The following CACNA2D3 variants were observed in gnomAD, a reference collection of about 807,000 sequenced individuals.
CACNA2D3 encodes calcium voltage-gated channel auxiliary subunit alpha2delta 3, also known as voltage-dependent calcium channel subunit alpha-2/delta-3.
Under a neutral mutation model 160.6 loss-of-function variants are expected in CACNA2D3, and 60 were observed. That is an observed-to-expected ratio of 0.37 (90% confidence interval 0.30 to 0.46). The LOEUF is 0.46. Among genes scored for constraint, CACNA2D3 ranks in the 20% least tolerant of loss-of-function variants. The probability of loss-of-function intolerance (pLI) is 1.00; values close to 1 mark genes in which losing one functional copy is unlikely to be tolerated. For synonymous variants in CACNA2D3, 558 were observed against 492.9 expected (o/e 1.13, Z -1.75); for missense variants, 1,205 against 1,365.0 (o/e 0.88, Z 1.85).
At chr3:54,467,580 A>G in intron 4 of CACNA2D3, among the ~76,000 whole-genome samples, 1 of 152,252 alleles carries the variant, frequency 6.6e-6, no homozygotes, top group Non-Finnish European at 1.5e-5. Context: ...ATTTAGAGCA[A>G]CATGGGTGAA....
intron 17 of CACNA2D3, among the ~76,000 whole-genome samples, chr3:54,853,094 C>G (rs1290432302): frequency 1.3e-5 from 2 of 152,194 alleles, no homozygotes; most frequent in Non-Finnish European, 2.9e-5. Context: ...CCCAGGTACA[C>G]CTTTTACTGG....
At chr3:54,916,216 G>A (rs980332142) in intron 27 of CACNA2D3, among the ~76,000 whole-genome samples, 34 of 152,186 alleles carry the variant, frequency 2.2e-4, no homozygotes, top group Admixed American at 1.3e-4. Flanking sequence ...CACGGTACAC[G>A]GTGTGAGCTC....
intron 9 of CACNA2D3, among the ~76,000 whole-genome samples, chr3:54,612,153 G>C (rs1253934112): frequency 6.6e-6 from 1 of 152,154 alleles, no homozygotes; most frequent in Non-Finnish European, 1.5e-5. Context: ...AGAGGGAAGT[G>C]AGGGCTTACA....
intron 27 of CACNA2D3, among the ~76,000 whole-genome samples, chr3:54,966,538 A>G (rs922300295): frequency 1.3e-5 from 2 of 152,106 alleles, no homozygotes; most frequent in South Asian, 4.1e-4. Context: ...AACATACCCA[A>G]GCCAGCCACA....
chr3:54,896,610 C>T (rs1289893655), intron 25 of CACNA2D3, 139 bp from the exon 26 acceptor site: 46 of 892,470 alleles, frequency 5.2e-5, no homozygotes, highest in Non-Finnish European at 6.6e-5. Context: ...TTAAGTGAGG[C>T]CCCCTCTATA....
intron 4 of CACNA2D3, among the ~76,000 whole-genome samples, chr3:54,468,923 C>T (rs937132794): frequency 1.8e-4 from 28 of 152,146 alleles, no homozygotes; most frequent in African/African-American, 6.0e-4. Context: ...GCAGCAGCCC[C>T]GGTTAGGGGC....
chr3:54,595,323 T>TGG (rs143145735), intron 9 of CACNA2D3, among the ~76,000 whole-genome samples: 45,035 of 150,004 alleles, frequency 0.3, 7,290 homozygotes, highest in South Asian at 0.4. Flanking sequence ...GGTGTGTGTG[T>TGG]GTGTGTGTGT....
Position 54,501,882 on chromosome 3 carries a change from G to A in CACNA2D3, c.382-1610G>A, listed in dbSNP as rs543759791. 4.6e-5 allele frequency among the ~76,000 whole-genome samples: 7 copies of A among 152,166 alleles called. No individual in the cohort carries two copies. The East Asian group carries it at 1.2e-3, about 25-fold the overall frequency. ...CTTTATTTCTCCTTTACTTGTGAAG[G>A]GTAATTTCATGGGATACAGAATTCT... On this transcript the variant is annotated intron_variant, in intron 4 of 37. Coordinates refer to ENST00000474759, the MANE Select transcript of CACNA2D3 (RefSeq NM_018398.3).
chr3:54,581,221 TG>T (rs960619751), intron 8 of CACNA2D3, among the ~76,000 whole-genome samples: 4 of 152,004 alleles, frequency 2.6e-5, no homozygotes, highest in Non-Finnish European at 4.4e-5. Context: ...ATAAAAAGTG[TG>T]GGGGGGTCCT....
At chr3:54,524,307 C>G (rs1399156648) in intron 5 of CACNA2D3, among the ~76,000 whole-genome samples, 1 of 152,072 alleles carries the variant, frequency 6.6e-6, no homozygotes, top group African/African-American at 2.4e-5. Context: ...GTTGTGAATT[C>G]CCCAAATTTC....
intron 29 of CACNA2D3, among the ~76,000 whole-genome samples, chr3:54,975,745 G>A (rs1702376533): frequency 6.6e-6 from 1 of 151,720 alleles, no homozygotes; most frequent in Admixed American, 6.6e-5. Flanking sequence ...AGATTATTCT[G>A]TAGCAAGTTG....
At chr3:54,379,053 A>G (rs1314588113) in intron 3 of CACNA2D3, among the ~76,000 whole-genome samples, 1 of 152,228 alleles carries the variant, frequency 6.6e-6, no homozygotes, top group Non-Finnish European at 1.5e-5. Flanking sequence ...GTAAAAGGCC[A>G]GTGTAGCCTT....
intron 3 of CACNA2D3, 91 bp from the exon 4 acceptor site, chr3:54,386,624 T>C (rs1205977942): frequency 4.2e-6 from 5 of 1,186,780 alleles, no homozygotes; most frequent in South Asian, 1.4e-5. Flanking sequence ...AACCACGATA[T>C]AATATGTCAC....
intron 2 of CACNA2D3, among the ~76,000 whole-genome samples, chr3:54,180,013 G>T (rs1310635349): frequency 6.6e-6 from 1 of 150,898 alleles, no homozygotes; most frequent in Non-Finnish European, 1.5e-5. Context: ...TTCTGAGAAG[G>T]TTTCATTTTT....
intron 26 of CACNA2D3, among the ~76,000 whole-genome samples, chr3:54,897,152 A>G (rs984759287): frequency 2.6e-5 from 4 of 152,224 alleles, no homozygotes; most frequent in Non-Finnish European, 4.4e-5. Flanking sequence ...CTTGTCAGTC[A>G]GTTTTTTTAA....
At chr3:54,811,387 T>A (rs1380951286) in intron 13 of CACNA2D3, among the ~76,000 whole-genome samples, 1 of 151,282 alleles carries the variant, frequency 6.6e-6, no homozygotes, top group East Asian at 2.0e-4. Context: ...ATCATCTCGA[T>A]TCTCAACTCT....
chr3:54,330,688 A>G (rs1355080495), intron 3 of CACNA2D3, among the ~76,000 whole-genome samples: 3 of 152,236 alleles, frequency 2.0e-5, no homozygotes, highest in Non-Finnish European at 2.9e-5. Context: ...ACTGGAGCAC[A>G]GTCAGACTCA....
chr3:54,346,401 T>TA (rs1257419993), intron 3 of CACNA2D3, among the ~76,000 whole-genome samples: 1 of 152,220 alleles, frequency 6.6e-6, no homozygotes, highest in South Asian at 2.1e-4. Context: ...CAAATAGCCT[T>TA]TGCCATAGTT....
intron 11 of CACNA2D3, among the ~76,000 whole-genome samples, chr3:54,746,146 C>T (rs868492314): frequency 2.6e-5 from 4 of 152,316 alleles, no homozygotes; most frequent in African/African-American, 9.6e-5. Context: ...CCCATCTCTA[C>T]TCTTGTAGAA....
Sources: allele counts gnomAD v4.1 joint callset (sites outside exome capture counted in the v4.1 genomes callset), GRCh38; gene constraint gnomAD v4.1.1; transcripts MANE v1.5; gene names NCBI Gene and HGNC (gene_info 2026-07-23, HGNC 2026-07-21).